The following TRPS1 variants were observed in gnomAD, a reference collection of about 807,000 sequenced individuals.
TRPS1 encodes the protein zinc finger transcription factor Trps1.
Under a neutral mutation model 101.2 loss-of-function variants are expected in TRPS1, and 6 were observed. The observed-to-expected ratio is 0.06, with a 90% CI of 0.03 to 0.12. TRPS1 has a LOEUF of 0.12. TRPS1 is among the 10% of genes least tolerant of loss of function. TRPS1 has a pLI of 1.00. For missense variants in TRPS1, 1,363 were observed against 1,567.0 expected (o/e 0.87, Z 2.20); for synonymous variants, 578 against 589.8 (o/e 0.98, Z 0.29).
intron 5 of TRPS1, among the ~76,000 whole-genome samples, chr8:115,527,586 T>C (rs1816030034): frequency 6.6e-6 from 1 of 152,112 alleles, no homozygotes; most frequent in Non-Finnish European, 1.5e-5. Flanking sequence ...TTTTTCACTT[T>C]GTTTCTAATG....
chr8:115,619,948 A>C lies in TRPS1; in HGVS notation c.150T>G (p.Phe50Leu). The change falls in exon 3 of 7, where the codon TTT (phenylalanine) becomes TTG (leucine). Residue 50 changes from phenylalanine (F) to leucine (L), a missense_variant. Coordinates refer to ENST00000395715, the MANE Select transcript of TRPS1 (RefSeq NM_014112.5). ...ESKVSGKNKEFSADQMSENTD... is the reference protein window; with the variant it reads ...ESKVSGKNKELSADQMSENTD... ...TATTTTCTGACATCTGATCTGCAGAAAATTCTTTGTTCTTTCCAGATACCT... is the reference window on the plus strand; with the variant it reads ...TATTTTCTGACATCTGATCTGCAGACAATTCTTTGTTCTTTCCAGATACCT... 6.2e-7 allele frequency: 1 copy of C among 1,614,228 alleles called. No individual in the cohort carries two copies. The highest frequency in any genetic ancestry group is 8.5e-7 in the Non-Finnish European group (1 of 1,180,042).
chr8:115,445,948 A>G (rs373211995), intron 5 of TRPS1, among the ~76,000 whole-genome samples: 1 of 152,278 alleles, frequency 6.6e-6, no homozygotes, highest in South Asian at 2.1e-4. Context: ...GAATATATTT[A>G]TTATGAAGTT....
chr8:115,627,858 C>T (rs928264736), intron 1 of TRPS1, among the ~76,000 whole-genome samples: 25 of 151,692 alleles, frequency 1.6e-4, no homozygotes, highest in African/African-American at 5.8e-4. Flanking sequence ...TAAACTGACA[C>T]ACATATACAG....
At chr8:115,509,581 T>G (rs1563563054) in intron 5 of TRPS1, 1 of 152,062 alleles carries the variant, frequency 6.6e-6, no homozygotes, top group Non-Finnish European at 1.5e-5. Flanking sequence ...CAAGACTAAT[T>G]AATGTTCTTA....
chr8:115,478,864 T>C (rs561524702), intron 5 of TRPS1, among the ~76,000 whole-genome samples: 2 of 144,374 alleles, frequency 1.4e-5, no homozygotes, highest in African/African-American at 2.6e-5. Context: ...TATATGTGTA[T>C]ATATGTGTAG....
In TRPS1 at chr8:115,619,992, G is replaced by T; in HGVS notation, c.106C>A (p.Pro36Thr). ...ASEGEGQILEPIGTESKVSGK... is the reference protein window; with the variant it reads ...ASEGEGQILETIGTESKVSGK... ...GATACCTTGCTTTCTGTACCTATAGGCTCCAGGATCTGGCCCTCGCCTTCA... is the reference window on the plus strand; with the variant it reads ...GATACCTTGCTTTCTGTACCTATAGTCTCCAGGATCTGGCCCTCGCCTTCA... Residue 36 changes from proline to threonine, a missense_variant, in exon 3 of 7, where the codon CCT becomes ACT. This residue lies in a region of TRPS1 where 1,020 missense variants were observed against 1,073.0 expected (regional missense o/e 0.95). Coordinates refer to ENST00000395715, the MANE Select transcript of TRPS1 (RefSeq NM_014112.5). The T allele has an allele frequency of 6.2e-7, 1 of 1,614,040 alleles. No individual in the cohort carries two copies. The highest frequency in any genetic ancestry group is 8.5e-7 in the Non-Finnish European group (1 of 1,180,012).
chr8:115,524,918 T>C (rs1263520107), intron 5 of TRPS1, among the ~76,000 whole-genome samples: 2 of 152,162 alleles, frequency 1.3e-5, no homozygotes, highest in Non-Finnish European at 2.9e-5. Context: ...TTCCAAAATG[T>C]ATAATTTCTT....
In TRPS1 at chr8:115,410,672, T is replaced by C. The variant is rs1310547549; in HGVS notation, c.*3351A>G. 1 of 152,506 alleles carries C rather than the reference T, an allele frequency of 6.6e-6. No homozygotes were observed. Among genetic ancestry groups the C allele is most frequent in the Admixed American group, 6.6e-5 (1 of 15,236 alleles). 9.4% of individuals were successfully genotyped at this position (152,506 alleles called of 1,614,324 possible). On this transcript the variant is annotated 3_prime_UTR_variant, in exon 7 of 7. Transcript: ENST00000395715. ...TTTCTATCCCAAACAACAGAATGAA[T>C]ACAGAGGTGAGTGATGAGAGAAAGA...
At chr8:115,649,135 CG>C (rs1320855552) in intron 1 of TRPS1, among the ~76,000 whole-genome samples, 1 of 152,072 alleles carries the variant, frequency 6.6e-6, no homozygotes, top group Non-Finnish European at 1.5e-5. Context: ...GAAAGAATAC[CG>C]GTTGTATGTT....
intron 5 of TRPS1, among the ~76,000 whole-genome samples, chr8:115,554,577 C>G (rs892686620): frequency 6.6e-6 from 1 of 152,156 alleles, no homozygotes; most frequent in Non-Finnish European, 1.5e-5. Flanking sequence ...AGTTATTATG[C>G]GCAAAACAGC....
chr8:115,651,500 C>A (rs1443193777), intron 1 of TRPS1, among the ~76,000 whole-genome samples: 1 of 152,206 alleles, frequency 6.6e-6, no homozygotes, highest in East Asian at 1.9e-4. Flanking sequence ...CCAAAGTGTT[C>A]TTCCCCTATG....
chr8:115,497,858 A>G (rs190391048), intron 5 of TRPS1, among the ~76,000 whole-genome samples: 1 of 152,294 alleles, frequency 6.6e-6, no homozygotes, highest in Non-Finnish European at 1.5e-5. Flanking sequence ...CATTCTTGTG[A>G]TATTAAAATT....
chr8:115,442,207 G>T (rs1813615765), intron 5 of TRPS1, among the ~76,000 whole-genome samples: 1 of 152,102 alleles, frequency 6.6e-6, no homozygotes, highest in South Asian at 2.1e-4. Context: ...AATGGACTTT[G>T]AATGTCATAT....
At chr8:115,448,488 T>C (rs1173461204) in intron 5 of TRPS1, among the ~76,000 whole-genome samples, 1 of 152,104 alleles carries the variant, frequency 6.6e-6, no homozygotes, top group Non-Finnish European at 1.5e-5. Flanking sequence ...ATGGACAACA[T>C]ATGGAAAAGA....
intron 5 of TRPS1, among the ~76,000 whole-genome samples, chr8:115,532,690 G>A (rs989637821): frequency 2.0e-5 from 3 of 152,094 alleles, no homozygotes; most frequent in Non-Finnish European, 4.4e-5. Context: ...GGCACTGTAC[G>A]TTAATTATCT....
In TRPS1 at chr8:115,585,870, A is replaced by G. The variant is rs151000921; in HGVS notation, c.2700+1131T>C. On this transcript the variant is annotated intron_variant, in intron 5 of 6. Coordinates refer to ENST00000395715, the MANE Select transcript of TRPS1 (RefSeq NM_014112.5). ...ACAGATGGGAAAGCTAACAGCTTCT[A>G]TAATTAACTGTGCACCTCTAAGGGG... Among the ~76,000 whole-genome samples, 231 of 152,278 alleles carry G rather than the reference A, an allele frequency of 1.5e-3. 1 individual carries two copies. The highest frequency in any genetic ancestry group is 5.4e-3 in the African/African-American group (223 of 41,568).
chr8:115,631,036 A>G (rs1818630174), intron 1 of TRPS1, among the ~76,000 whole-genome samples: 1 of 152,128 alleles, frequency 6.6e-6, no homozygotes, highest in South Asian at 2.1e-4. Flanking sequence ...ATATTCTCAC[A>G]GAGTACCAGA....
At chr8:115,497,874 T>C (rs1266033217) in intron 5 of TRPS1, among the ~76,000 whole-genome samples, 1 of 152,128 alleles carries the variant, frequency 6.6e-6, no homozygotes, top group Non-Finnish European at 1.5e-5. Flanking sequence ...AAATTTCTGG[T>C]TTTGAAGTCC....
At chr8:115,646,524 A>T (rs531792573) in intron 1 of TRPS1, among the ~76,000 whole-genome samples, 1 of 152,206 alleles carries the variant, frequency 6.6e-6, no homozygotes, top group East Asian at 1.9e-4. Flanking sequence ...AAAATAAAAC[A>T]AAAAGTTTAG....
Sources: gnomAD v4.1 joint callset for allele counts (sites outside exome capture counted in the v4.1 genomes callset) on GRCh38, gnomAD v4.1.1 for gene constraint, gnomAD v4.1.1 regional missense constraint, MANE v1.5 for transcripts, NCBI Gene and HGNC (gene_info 2026-07-23, HGNC 2026-07-21) for gene names.